OTULIN: variants seen among roughly 807,000 people sequenced by gnomAD.
OTULIN encodes ubiquitin thioesterase otulin.
A neutral mutation model predicts 39.6 loss-of-function variants in OTULIN; 15 were observed. The ratio of observed to expected loss-of-function variants is 0.38; its 90% CI spans 0.25 to 0.58. The LOEUF (loss-of-function observed/expected upper bound fraction) is 0.58, where lower values mean the gene tolerates loss of function less well. Ranked by LOEUF, OTULIN falls within the 20% of genes least tolerant of loss-of-function variation. The pLI is 0.66. For missense variants in OTULIN, 319 were observed against 445.9 expected, an observed-to-expected ratio of 0.72 and a Z score of 2.56; for synonymous variants, 156 against 170.3, an observed-to-expected ratio of 0.92 and a Z score of 0.65.
In OTULIN at chr5:14,699,137, ATTTC is replaced by A. The variant is rs1178418955; in HGVS notation, c.*6093_*6096del. The A allele has an allele frequency of 2.0e-5, 3 of 152,202 alleles. No individual in the cohort carries two copies. Among genetic ancestry groups the A allele is most frequent in the African/African-American group, 4.8e-5 (2 of 41,450 alleles). 9.4% of individuals were successfully genotyped at this position (152,202 alleles called of 1,614,324 possible). A position where few individuals can be genotyped will look rare whatever the true frequency, so the allele number is the denominator to read the frequency against. ...CAAAGAGGTTTGGTGTGTGCGAGACATTTCTTTATGAACCATTTACACTGCTGGA... is the reference window on the plus strand; with the variant it reads ...CAAAGAGGTTTGGTGTGTGCGAGACATTTATGAACCATTTACACTGCTGGA... On this transcript the variant is annotated 3_prime_UTR_variant, in exon 7 of 7. Coordinates refer to ENST00000284274, the MANE Select transcript of OTULIN (RefSeq NM_138348.6).
intron 1 of OTULIN, among the ~76,000 whole-genome samples, chr5:14,669,539 A>G (rs899899758): frequency 2.0e-5 from 3 of 152,204 alleles, no homozygotes; most frequent in Admixed American, 6.5e-5. Flanking sequence ...TGGGAGATCA[A>G]GGTGGGAGGA....
the OTULIN span, chr5:14,713,506 C>T: frequency 4.3e-6 from 7 of 1,612,864 alleles, no homozygotes; most frequent in African/African-American, 1.3e-5. The surrounding 1 kb of genome is among the most constrained non-coding windows in gnomAD (Gnocchi z 4.4). Context: ...ATTGAAGTGG[C>T]AGAAGGACCC....
chr5:14,666,086 C>A lies in OTULIN; in HGVS notation c.152+1109C>A, dbSNP rs577811419. ...CCTGCTCCACGGCCCGTGCTGGTTCCTAATCGCTGCTTTGCCTGCCTTCTA... is the reference window on the plus strand; with the variant it reads ...CCTGCTCCACGGCCCGTGCTGGTTCATAATCGCTGCTTTGCCTGCCTTCTA... On this transcript the variant is annotated intron_variant, in intron 1 of 6. Coordinates refer to ENST00000284274, the MANE Select transcript of OTULIN (RefSeq NM_138348.6). Among the ~76,000 whole-genome samples, 11 of 152,332 alleles carry A rather than the reference C, an allele frequency of 7.2e-5. No individual in the cohort carries two copies. In the South Asian group the frequency reaches 2.3e-3, roughly 32 times the overall value.
Position 14,694,110 on chromosome 5 carries a change from G to C in OTULIN, c.*1062G>C, listed in dbSNP as rs1736604317. 6.6e-6 allele frequency: 1 copy of C among 152,250 alleles called. No homozygotes were observed. The highest frequency in any genetic ancestry group is 1.5e-5 in the Non-Finnish European group (1 of 68,062). 9.4% of individuals were successfully genotyped at this position (152,250 alleles called of 1,614,324 possible). A position where few individuals can be genotyped will look rare whatever the true frequency, so the allele number is the denominator to read the frequency against. ...ACTGCCAGATCTGTGTAACCCGTCT[G>C]GGTCAGGGGATGAGTGACAGCAAAC... On this transcript the variant is annotated 3_prime_UTR_variant, in exon 7 of 7. Coordinates refer to ENST00000284274, the MANE Select transcript of OTULIN (RefSeq NM_138348.6).
In OTULIN at chr5:14,695,734, A is replaced by G. The variant is rs536623149; in HGVS notation, c.*2686A>G. On this transcript the variant is annotated 3_prime_UTR_variant, in exon 7 of 7. Transcript: ENST00000284274. Reference sequence around the variant, plus strand: ...TGTTGATTTTATCCATCCACAAGGAACAATGATAGTCACATTAGAGAACAA... The same window carrying G: ...TGTTGATTTTATCCATCCACAAGGAGCAATGATAGTCACATTAGAGAACAA... 6.6e-6 allele frequency: 1 copy of G among 152,240 alleles called. No individual in the cohort carries two copies. Among genetic ancestry groups the G allele is most frequent in the African/African-American group, 2.4e-5 (1 of 41,464 alleles). The allele number at this position is 152,240 out of a possible 1,614,324, so 9.4% of individuals were successfully genotyped here.
At chr5:14,712,828 C>T in the OTULIN span, 1 of 1,545,832 alleles carries the variant, frequency 6.5e-7, no homozygotes, top group Non-Finnish European at 8.8e-7. Flanking sequence ...TCTCCTGCAC[C>T]CAGGAGGATG....
At chr5:14,711,329 A>G in the OTULIN span, 3 of 1,606,202 alleles carry the variant, frequency 1.9e-6, no homozygotes, top group South Asian at 3.3e-5. Context: ...AAGAAGACTC[A>G]TCAGTGTGGG....
rs1736615416 is a variant in OTULIN at position 14,694,460 on chromosome 5, G to T, written c.*1412G>T. The T allele has an allele frequency of 6.6e-6, 1 of 152,208 alleles. No individual in the cohort carries two copies. The highest frequency in any genetic ancestry group is 6.5e-5 in the Admixed American group (1 of 15,284). 9.4% of individuals were successfully genotyped at this position (152,208 alleles called of 1,614,324 possible). A position where few individuals can be genotyped will look rare whatever the true frequency, so the allele number is the denominator to read the frequency against. On this transcript the variant is annotated 3_prime_UTR_variant, in exon 7 of 7. Transcript: ENST00000284274. ...AATTGGCTCAACGTTTGTGGAGGTGGTATTTCCCTGAAGTACTGAGCTTTG... is the reference window on the plus strand; with the variant it reads ...AATTGGCTCAACGTTTGTGGAGGTGTTATTTCCCTGAAGTACTGAGCTTTG...
At chr5:14,711,570 A>C in the OTULIN span, among the ~76,000 whole-genome samples, 1 of 152,168 alleles carries the variant, frequency 6.6e-6, no homozygotes, top group Non-Finnish European at 1.5e-5. Flanking sequence ...GCCCCGCCCC[A>C]GACAACCCGC....
the OTULIN span, chr5:14,705,502 A>T: frequency 6.6e-6 from 1 of 152,272 alleles, no homozygotes; most frequent in Admixed American, 6.5e-5. Context: ...GGAAGCCTCC[A>T]GCTTGAATAC....
intron 4 of OTULIN, among the ~76,000 whole-genome samples, chr5:14,686,564 A>G (rs1736392983): frequency 6.6e-6 from 1 of 152,120 alleles, no homozygotes; most frequent in Non-Finnish European, 1.5e-5. Flanking sequence ...CAGGTTCCTC[A>G]TAGGATATTG....
chr5:14,665,402 A>T (rs1579955783), intron 1 of OTULIN, among the ~76,000 whole-genome samples: 1 of 152,268 alleles, frequency 6.6e-6, no homozygotes, highest in South Asian at 2.1e-4. Flanking sequence ...GCGACGTCCC[A>T]CCTGTTGGAC....
At chr5:14,701,071 G>A (rs947453120), downstream of OTULIN, among the ~76,000 whole-genome samples, 1 of 152,156 alleles carries the variant, frequency 6.6e-6, no homozygotes, top group African/African-American at 2.4e-5. Flanking sequence ...TTGTCCTGTC[G>A]GCCGCCCTTC....
chr5:14,665,978 G>A (rs1735830329), intron 1 of OTULIN, among the ~76,000 whole-genome samples: 1 of 152,192 alleles, frequency 6.6e-6, no homozygotes, highest in South Asian at 2.1e-4. Context: ...CATGAGATTG[G>A]AGGGGAGAAA....
Position 14,664,775 on chromosome 5 carries a change from G to T in OTULIN, c.-51G>T. On this transcript the variant is annotated 5_prime_UTR_variant, in exon 1 of 7. Transcript: ENST00000284274. ...CACTGCCTGGCACCCCGACGGGAGG[G>T]GCTCCGGATCGTTCGGAGCCGGCTG... 3 of 1,135,734 alleles carry T rather than the reference G, an allele frequency of 2.6e-6. No individual in the cohort carries two copies. The highest frequency in any genetic ancestry group is 3.2e-6 in the Non-Finnish European group (3 of 925,468). 70.4% of individuals were successfully genotyped at this position (1,135,734 alleles called of 1,614,324 possible).
At chr5:14,703,481 C>G (rs1736853375), downstream of OTULIN, among the ~76,000 whole-genome samples, 1 of 151,964 alleles carries the variant, frequency 6.6e-6, no homozygotes, top group African/African-American at 2.4e-5. Flanking sequence ...GCAGAGATAC[C>G]AGGGGGCAGG....
chr5:14,687,670 C>CTGATAAGGG (rs1186052434), intron 5 of OTULIN, 24 bp downstream of exon 5: 2 of 1,585,774 alleles, frequency 1.3e-6, no homozygotes, highest in East Asian at 4.6e-5. Context: ...AGTGTCCTGT[C>CTGATAAGGG]TGATAAGGGT....
At chr5:14,702,284 G>A (rs914964849), downstream of OTULIN, among the ~76,000 whole-genome samples, 3 of 152,150 alleles carry the variant, frequency 2.0e-5, no homozygotes, top group African/African-American at 7.2e-5. Flanking sequence ...ATGGGCTGAA[G>A]GCCACAGCCC....
At chr5:14,709,327 C>T in the OTULIN span, 2 of 152,010 alleles carry the variant, frequency 1.3e-5, no homozygotes, top group Non-Finnish European at 2.9e-5. Flanking sequence ...TTAATCTTCT[C>T]AGATCTGCCT....
Sources: allele counts gnomAD v4.1 joint callset (sites outside exome capture counted in the v4.1 genomes callset), GRCh38; gene constraint gnomAD v4.1.1; non-coding constraint Gnocchi (gnomAD v3.1); transcripts MANE v1.5; gene names NCBI Gene and HGNC (gene_info 2026-07-23, HGNC 2026-07-21).